PTPRN2: variants seen among roughly 807,000 people sequenced by gnomAD.
The protein encoded by PTPRN2 is receptor-type tyrosine-protein phosphatase N2.
PTPRN2 carries 74 observed loss-of-function variants against 118.8 expected under a neutral mutation model. That is an observed-to-expected ratio of 0.62 (90% CI 0.52 to 0.76). The LOEUF (loss-of-function observed/expected upper bound fraction) is 0.76, where lower values mean the gene tolerates loss of function less well. PTPRN2 is among the 30% of genes least tolerant of loss of function. The pLI, the probability that PTPRN2 is intolerant of heterozygous loss-of-function variation, is 0.00. For synonymous variants in PTPRN2, 641 were observed against 608.0 expected (o/e 1.05, Z -0.80); for missense variants, 1,481 against 1,394.4 (o/e 1.06, Z -0.99).
intron 11 of PTPRN2, among the ~76,000 whole-genome samples, chr7:157,976,982 G>C (rs533919623): frequency 1.3e-5 from 2 of 151,786 alleles, no homozygotes; most frequent in Non-Finnish European, 2.9e-5. Flanking sequence ...GCCAGGAATC[G>C]TTATAGATTT....
At position 157,680,422 on chromosome 7, in the gene PTPRN2, T is replaced by G. The variant is rs59272849; in HGVS notation, c.2001+2303A>C. On this transcript the variant is annotated intron_variant, in intron 13 of 22. Coordinates refer to ENST00000389418, the MANE Select transcript of PTPRN2 (RefSeq NM_002847.5). ...TTACACTTCACAGGGGACTCATGGC[T>G]GTGATAGAAAACCCAAGTGAGATAT... Among the ~76,000 whole-genome samples the G allele has an allele frequency of 8.5e-3, 1,298 of 152,374 alleles. 25 individuals are homozygous for G. The highest frequency in any genetic ancestry group is 0.029 in the African/African-American group (1,208 of 41,592).
intron 12 of PTPRN2, among the ~76,000 whole-genome samples, chr7:157,800,450 C>T (rs1805195519): frequency 6.6e-6 from 1 of 152,188 alleles, no homozygotes; most frequent in South Asian, 2.1e-4. Flanking sequence ...TCTGGCCCCT[C>T]AAAGCGACTC....
intron 2 of PTPRN2, among the ~76,000 whole-genome samples, chr7:158,379,953 C>A (rs1810840307): frequency 6.6e-6 from 1 of 152,130 alleles, no homozygotes; most frequent in South Asian, 2.1e-4. Context: ...TGGGGAAACT[C>A]CCCCTTATAA....
chr7:158,433,120 A>C (rs556536193), intron 2 of PTPRN2, among the ~76,000 whole-genome samples: 33 of 152,352 alleles, frequency 2.2e-4, no homozygotes, highest in African/African-American at 7.2e-4. Context: ...TCTGTACAAC[A>C]GTAGCTGGTG....
intron 2 of PTPRN2, among the ~76,000 whole-genome samples, chr7:158,381,404 C>T (rs1235579376): frequency 1.3e-5 from 2 of 152,222 alleles, no homozygotes; most frequent in Non-Finnish European, 2.9e-5. Flanking sequence ...GGGCAAAATG[C>T]TGCCAGTCTA....
chr7:158,043,930 A>C (rs1384995202), intron 11 of PTPRN2, among the ~76,000 whole-genome samples: 1 of 152,230 alleles, frequency 6.6e-6, no homozygotes, highest in Non-Finnish European at 1.5e-5. Flanking sequence ...AAATGTGTTG[A>C]GCACCTAACG....
At chr7:158,337,243 C>T (rs1336922205) in intron 2 of PTPRN2, among the ~76,000 whole-genome samples, 16 of 151,638 alleles carry the variant, frequency 1.1e-4, no homozygotes, top group African/African-American at 3.9e-4. Context: ...ACATTCTCAC[C>T]ATAAGAGCTG....
chr7:158,442,123 GATA>G (rs1365838906), intron 2 of PTPRN2, among the ~76,000 whole-genome samples: 2 of 148,172 alleles, frequency 1.3e-5, no homozygotes, highest in Non-Finnish European at 1.5e-5. Context: ...TGGTGGTGGT[GATA>G]GTGATGGTGG....
chr7:158,398,329 T>C (rs1309898596), intron 2 of PTPRN2, among the ~76,000 whole-genome samples: 2 of 152,184 alleles, frequency 1.3e-5, no homozygotes, highest in South Asian at 2.1e-4. Context: ...TCCCCTTTCC[T>C]GGGTTGTGTT....
chr7:158,366,623 C>T (rs143835122), intron 2 of PTPRN2, among the ~76,000 whole-genome samples: 15 of 152,348 alleles, frequency 9.8e-5, no homozygotes, highest in Admixed American at 3.3e-4. Context: ...CTCCATCCAC[C>T]GAGACATACA....
intron 2 of PTPRN2, among the ~76,000 whole-genome samples, chr7:158,372,740 T>C (rs1410859868): frequency 1.3e-5 from 2 of 152,262 alleles, no homozygotes; most frequent in African/African-American, 4.8e-5. Flanking sequence ...TTCATGGGCA[T>C]CTCCCTTTTG....
In PTPRN2 at chr7:157,893,645, T is replaced by A. The variant is rs1160427073; in HGVS notation, c.1788+5028A>T. Among the ~76,000 whole-genome samples, 4 of 152,140 alleles carry A rather than the reference T, an allele frequency of 2.6e-5. No homozygotes were observed. The East Asian group carries it at 7.7e-4, about 29-fold the overall frequency. Reference sequence around the variant, plus strand: ...AGAGCCCTGCGTGGCCCACTTTAAGTGTGAGGCTCCTCTACAGATCTCCCA... The same window carrying A: ...AGAGCCCTGCGTGGCCCACTTTAAGAGTGAGGCTCCTCTACAGATCTCCCA... On this transcript the variant is annotated intron_variant, in intron 12 of 22. Coordinates refer to ENST00000389418, the MANE Select transcript of PTPRN2 (RefSeq NM_002847.5). This position sits in a 1 kb window ranked among gnomAD's most constrained non-coding sequence, Gnocchi z 4.0.
At chr7:157,997,073 C>T (rs1804804584) in intron 11 of PTPRN2, among the ~76,000 whole-genome samples, 1 of 152,284 alleles carries the variant, frequency 6.6e-6, no homozygotes, top group East Asian at 1.9e-4. Context: ...AGGGAGGGCT[C>T]GGCCCCAGGT....
chr7:158,461,670 G>A (rs887545952), intron 2 of PTPRN2, among the ~76,000 whole-genome samples: 1 of 152,104 alleles, frequency 6.6e-6, no homozygotes, highest in Non-Finnish European at 1.5e-5. Flanking sequence ...ACTCCCACTG[G>A]GTACTACACG....
chr7:158,322,481 G>A (rs570957975), intron 2 of PTPRN2, among the ~76,000 whole-genome samples: 2 of 151,812 alleles, frequency 1.3e-5, no homozygotes, highest in Non-Finnish European at 1.5e-5. Context: ...ATCCAGCCCC[G>A]GTGGGCGACG....
At chr7:157,683,072 G>T in intron 12 of PTPRN2, 135 bp from the exon 13 acceptor site, 1 of 746,020 alleles carries the variant, frequency 1.3e-6, no homozygotes, top group Non-Finnish European at 2.2e-6. Context: ...AGCCACAACG[G>T]GAGGGCCCTG....
intron 10 of PTPRN2, among the ~76,000 whole-genome samples, chr7:158,099,915 A>T (rs923649318): frequency 1.4e-5 from 2 of 143,144 alleles, no homozygotes; most frequent in African/African-American, 5.3e-5. Context: ...TGTGTTCATG[A>T]AATAAACTTA....
At chr7:158,315,547 C>G (rs565177439) in intron 3 of PTPRN2, among the ~76,000 whole-genome samples, 1 of 150,388 alleles carries the variant, frequency 6.6e-6, no homozygotes, top group Non-Finnish European at 1.5e-5. Context: ...GAGGTGAACC[C>G]GGGACCCCTG....
intron 6 of PTPRN2, among the ~76,000 whole-genome samples, 190 bp from the exon 7 acceptor site, chr7:158,138,705 A>G (rs76288340): frequency 0.042 from 6,330 of 152,270 alleles, 448 homozygotes; most frequent in African/African-American, 0.14. Flanking sequence ...TGACCCTGTA[A>G]CCATCACTAG....
Sources: gnomAD v4.1 joint callset for allele counts (sites outside exome capture counted in the v4.1 genomes callset) on GRCh38, gnomAD v4.1.1 for gene constraint, Gnocchi (gnomAD v3.1) non-coding constraint, MANE v1.5 for transcripts, NCBI Gene and HGNC (gene_info 2026-07-23, HGNC 2026-07-21) for gene names.